Variants in PLCE1 observed in about 807,000 individuals in gnomAD.
The protein encoded by PLCE1 is 1-phosphatidylinositol 4,5-bisphosphate phosphodiesterase epsilon-1.
Under a neutral mutation model 242.8 loss-of-function variants are expected in PLCE1, and 119 were observed. The observed-to-expected ratio is 0.49, with a 90% CI of 0.42 to 0.57. PLCE1 has a LOEUF of 0.57. Among genes scored for constraint, PLCE1 ranks in the 20% least tolerant of loss-of-function variants. The pLI is 0.00. For synonymous variants in PLCE1, 945 were observed against 1,017.4 expected (o/e 0.93, Z 1.35); for missense variants, 2,441 against 2,788.8 (o/e 0.88, Z 2.81).
intron 2 of PLCE1, among the ~76,000 whole-genome samples, chr10:94,126,779 GACTTA>G (rs554629902): frequency 5.1e-4 from 77 of 152,290 alleles, no homozygotes; most frequent in African/African-American, 1.8e-3. Context: ...TCATTCATTA[GACTTA>G]ACTTGACTAT....
intron 2 of PLCE1, among the ~76,000 whole-genome samples, chr10:94,063,673 A>G (rs903445901): frequency 2.6e-5 from 4 of 152,110 alleles, no homozygotes; most frequent in African/African-American, 9.7e-5. Context: ...CTTCTCTTGG[A>G]GCATGCCATT....
intron 2 of PLCE1, among the ~76,000 whole-genome samples, chr10:94,036,714 T>TA (rs201757494): frequency 2.6e-5 from 4 of 151,560 alleles, no homozygotes; most frequent in East Asian, 3.9e-4. Context: ...GTTTTTCCTT[T>TA]AAAAAAAAAT....
At chr10:94,102,668 C>T (rs931710608) in intron 2 of PLCE1, among the ~76,000 whole-genome samples, 2 of 152,200 alleles carry the variant, frequency 1.3e-5, no homozygotes, top group Non-Finnish European at 1.5e-5. Context: ...GGCCAGAACT[C>T]ATGCCAGCGC....
At chr10:94,118,614 G>A (rs936887069) in intron 2 of PLCE1, among the ~76,000 whole-genome samples, 5 of 152,116 alleles carry the variant, frequency 3.3e-5, no homozygotes, top group African/African-American at 7.2e-5. Flanking sequence ...TCTCTTTGCC[G>A]CTGCCATCCA....
chr10:94,150,272 CTG>C (rs2047234727), intron 3 of PLCE1, among the ~76,000 whole-genome samples: 1 of 152,306 alleles, frequency 6.6e-6, no homozygotes, highest in African/African-American at 2.4e-5. Context: ...GATGGGAAAA[CTG>C]TGACTTAGAG....
chr10:94,200,765 C>T (rs1198475971), intron 4 of PLCE1, among the ~76,000 whole-genome samples: 2 of 152,176 alleles, frequency 1.3e-5, no homozygotes, highest in African/African-American at 4.8e-5. Context: ...AACAGGGACA[C>T]ATTCTGTTGA....
chr10:94,190,124 A>T (rs2048611598), intron 4 of PLCE1, among the ~76,000 whole-genome samples: 6 of 152,100 alleles, frequency 3.9e-5, no homozygotes, highest in Admixed American at 3.9e-4. Context: ...CTATAAAAAA[A>T]TACAGAAGTT....
intron 30 of PLCE1, 22 bp downstream of exon 30, chr10:94,322,081 A>G: frequency 6.2e-7 from 1 of 1,609,280 alleles, no homozygotes; most frequent in Non-Finnish European, 8.5e-7. Context: ...TCCCTTCCTC[A>G]CCTGAGTCCT....
chr10:94,284,719 A>G (rs1258838392), intron 21 of PLCE1, 129 bp from the exon 22 acceptor site: 1 of 688,002 alleles, frequency 1.5e-6, no homozygotes. Context: ...GGACATGTAT[A>G]TGGATAATTA....
At chr10:94,041,564 C>A (rs2061767678) in intron 2 of PLCE1, among the ~76,000 whole-genome samples, 1 of 152,116 alleles carries the variant, frequency 6.6e-6, no homozygotes, top group Admixed American at 6.5e-5. Flanking sequence ...CAAGGGAACA[C>A]CTGAGACAGC....
At chr10:94,201,359 A>T (rs1008928640) in intron 4 of PLCE1, among the ~76,000 whole-genome samples, 1 of 152,238 alleles carries the variant, frequency 6.6e-6, no homozygotes, top group Non-Finnish European at 1.5e-5. Flanking sequence ...GAGGTGGTAT[A>T]GCAGAAGTGC....
intron 2 of PLCE1, among the ~76,000 whole-genome samples, chr10:94,111,055 A>G (rs2045939128): frequency 6.6e-6 from 1 of 152,216 alleles, no homozygotes; most frequent in African/African-American, 2.4e-5. Context: ...GCTGTTCTAG[A>G]ATCATGCACT....
chr10:94,326,822 C>G (rs916406824), intron 32 of PLCE1, among the ~76,000 whole-genome samples: 2 of 152,022 alleles, frequency 1.3e-5, no homozygotes, highest in African/African-American at 4.8e-5. Context: ...TCTAAGCAAG[C>G]AGATATTTAG....
chr10:94,142,170 T>C lies in PLCE1; in HGVS notation c.1492+9711T>C, dbSNP rs572249208. ...GGCTTTAGTTTCTGCATCTACAAAA[T>C]GGGAATAAAAGCAACAACTTCGGAG... On this transcript the variant is annotated intron_variant, in intron 3 of 32. Coordinates refer to ENST00000371380, the MANE Select transcript of PLCE1 (RefSeq NM_016341.4). Among the ~76,000 whole-genome samples the C allele has an allele frequency of 2.8e-4, 43 of 152,104 alleles. 1 individual carries two copies. Among genetic ancestry groups the C allele is most frequent in the African/African-American group, 1.0e-3 (43 of 41,500 alleles).
At chr10:94,270,068 T>TA (rs2133120557) in intron 17 of PLCE1, among the ~76,000 whole-genome samples, 1 of 152,358 alleles carries the variant, frequency 6.6e-6, no homozygotes, top group East Asian at 1.9e-4. Flanking sequence ...TAACTGTGTT[T>TA]ACATATACAC....
chr10:94,218,177 C>T (rs1360135520), intron 4 of PLCE1, among the ~76,000 whole-genome samples: 4 of 152,102 alleles, frequency 2.6e-5, no homozygotes, highest in Non-Finnish European at 5.9e-5. Flanking sequence ...TGAATTATTA[C>T]ACTTTCTGTG....
At position 94,161,449 on chromosome 10, in the gene PLCE1, G is replaced by C. The variant is rs547229431; in HGVS notation, c.1493-9731G>C. Among the ~76,000 whole-genome samples, 7 of 152,178 alleles carry C rather than the reference G, an allele frequency of 4.6e-5. No homozygotes were observed. In the South Asian group the frequency reaches 1.5e-3, roughly 32 times the overall value. On this transcript the variant is annotated intron_variant, in intron 3 of 32. Transcript: ENST00000371380. ...GTGAATGGGAGTTCACTCATGATTT[G>C]GCTCTCTGTCTGTTATTGGTGTATA...
At chr10:94,194,164 T>G (rs1485728736) in intron 4 of PLCE1, among the ~76,000 whole-genome samples, 1 of 152,238 alleles carries the variant, frequency 6.6e-6, no homozygotes. Context: ...TTTTGTTATC[T>G]GTGCCAATGA....
chr10:94,108,038 C>T (rs1451292534), intron 2 of PLCE1, among the ~76,000 whole-genome samples: 1 of 152,196 alleles, frequency 6.6e-6, no homozygotes, highest in African/African-American at 2.4e-5. Context: ...TCCACCATTG[C>T]TTCTCTCAAT....
Sources: allele counts gnomAD v4.1 joint callset (sites outside exome capture counted in the v4.1 genomes callset), GRCh38; gene constraint gnomAD v4.1.1; transcripts MANE v1.5; gene names NCBI Gene and HGNC (gene_info 2026-07-23, HGNC 2026-07-21).